Variants in LAMP3 observed in about 807,000 individuals in gnomAD.
The protein encoded by LAMP3 is lysosome-associated membrane glycoprotein 3.
Under a neutral mutation model 34.8 loss-of-function variants are expected in LAMP3, and 26 were observed. The observed-to-expected ratio is 0.75, with a 90% CI of 0.55 to 1.04. LAMP3 has a LOEUF of 1.04. Ranked by LOEUF, LAMP3 falls within the 50% of genes least tolerant of loss-of-function variation. The probability of loss-of-function intolerance (pLI) is 0.00; values close to 1 mark genes in which losing one functional copy is unlikely to be tolerated. For synonymous variants in LAMP3, 180 were observed against 201.9 expected (o/e 0.89, Z 0.92); for missense variants, 495 against 524.0 (o/e 0.94, Z 0.54).
Position 183,124,108 on chromosome 3 carries a change from A to T in LAMP3, c.1224T>A (p.Cys408Ter). 1.9e-6 allele frequency: 3 copies of T among 1,614,100 alleles called. No homozygotes were observed. The highest frequency in any genetic ancestry group is 2.5e-6 in the Non-Finnish European group (3 of 1,179,982). ...AGATTCTCTGGTATCCAGATGATTG[A>T]CACCTTAGGCGGATTTTATAGACAC... Reference protein sequence around the residue: ...GMGVYKIRLRCQSSGYQRI With the variant: ...GMGVYKIRLR The change falls in exon 6 of 6, where the codon TGT becomes TGA. Residue 408 changes from cysteine (C) to a stop codon, truncating the protein, a stop_gained. Transcript: ENST00000265598. LOFTEE classifies it high-confidence loss of function.
chr3:183,157,701 C>A (rs2108614728), intron 1 of LAMP3, among the ~76,000 whole-genome samples: 1 of 152,020 alleles, frequency 6.6e-6, no homozygotes. Flanking sequence ...TAAAGAGAAT[C>A]TTCTCAACTG....
At position 183,153,677 on chromosome 3, in the gene LAMP3, C is replaced by T. The variant is rs369243367; in HGVS notation, c.759+5G>A. On this transcript the variant is annotated splice_donor_5th_base_variant and intron_variant, in intron 2 of 5. Transcript: ENST00000265598. ...TAGTGTTATAGTCCTGTGGCCCCAA[C>T]TTACCGACTCCTTGTCTTGAACAAT... 2 of 1,512,802 alleles carry T rather than the reference C, an allele frequency of 1.3e-6. No individual in the cohort carries two copies. Among genetic ancestry groups the T allele is most frequent in the East Asian group, 2.3e-5 (1 of 43,984 alleles). 93.7% of individuals were successfully genotyped at this position (1,512,802 alleles called of 1,614,324 possible).
chr3:183,125,546 T>C (rs1719760104), intron 5 of LAMP3, among the ~76,000 whole-genome samples: 1 of 152,372 alleles, frequency 6.6e-6, no homozygotes, highest in South Asian at 2.1e-4. Context: ...TTATGTGCTA[T>C]AGCAGGAAGT....
Position 183,123,921 on chromosome 3 carries a change from G to T in LAMP3, c.*160C>A. 1 of 668,172 alleles carries T rather than the reference G, an allele frequency of 1.5e-6. No individual in the cohort carries two copies. The highest frequency in any genetic ancestry group is 2.5e-6 in the Non-Finnish European group (1 of 395,522). The allele number at this position is 668,172 out of a possible 1,614,324, so 41.4% of individuals were successfully genotyped here. Reference sequence around the variant, plus strand: ...AAAAGTATTTAGAAATTGATGTGCTGCCTGAACTTAAATCACACATGACTC... The same window carrying T: ...AAAAGTATTTAGAAATTGATGTGCTTCCTGAACTTAAATCACACATGACTC... On this transcript the variant is annotated 3_prime_UTR_variant, in exon 6 of 6. Coordinates refer to ENST00000265598, the MANE Select transcript of LAMP3 (RefSeq NM_014398.4).
rs1382915584 is a variant in LAMP3, at chr3:183,162,565, G to T, written c.49+42C>A. Reference sequence around the variant, plus strand: ...GAGTGCGTTTAGATGAAAGGGGACCGACACGTCAGGGCCACCGCGGGAAGC... The same window carrying T: ...GAGTGCGTTTAGATGAAAGGGGACCTACACGTCAGGGCCACCGCGGGAAGC... On this transcript the variant is annotated intron_variant, in intron 1 of 5. Coordinates refer to ENST00000265598, the MANE Select transcript of LAMP3 (RefSeq NM_014398.4). 5 of 1,540,740 alleles carry T rather than the reference G, an allele frequency of 3.2e-6. No homozygotes were observed. In the Admixed American group the frequency reaches 5.9e-5, roughly 18 times the overall value.
chr3:183,157,489 C>T (rs759889065), intron 1 of LAMP3, among the ~76,000 whole-genome samples: 12 of 152,278 alleles, frequency 7.9e-5, no homozygotes, highest in Admixed American at 2.0e-4. Context: ...CAAACACCAA[C>T]GAAAGCCCCA....
At chr3:183,130,257 G>C (rs573940) in intron 5 of LAMP3, among the ~76,000 whole-genome samples, 83,535 of 148,404 alleles carry the variant, frequency 0.56, 27,556 homozygotes, top group Non-Finnish European at 0.74. Flanking sequence ...CTCCCGGGTT[G>C]ACGCCATTCT....
At chr3:183,149,221 A>G (rs1349674327) in intron 3 of LAMP3, among the ~76,000 whole-genome samples, 1 of 151,794 alleles carries the variant, frequency 6.6e-6, no homozygotes, top group Non-Finnish European at 1.5e-5. Context: ...GTGGGGGAAA[A>G]GGGGATGGTT....
chr3:183,162,243 T>C (rs1282003929), intron 1 of LAMP3, among the ~76,000 whole-genome samples: 20 of 151,692 alleles, frequency 1.3e-4, no homozygotes. Context: ...TGGCACAATC[T>C]GTCAGACCAC....
intron 4 of LAMP3, 138 bp from the exon 5 acceptor site, chr3:183,136,025 C>T (rs1720077325): frequency 1.4e-6 from 1 of 713,048 alleles, no homozygotes; most frequent in Non-Finnish European, 2.4e-6. Flanking sequence ...CACCTTCTCC[C>T]CATGAAAAAA....
chr3:183,161,996 C>T (rs1330622272), intron 1 of LAMP3: 1 of 985,098 alleles, frequency 1.0e-6, no homozygotes, highest in East Asian at 1.1e-4. Flanking sequence ...GTTAGCCGGG[C>T]GGTAGGGACG....
chr3:183,155,605 T>C (rs541225487), intron 1 of LAMP3, among the ~76,000 whole-genome samples: 5 of 152,354 alleles, frequency 3.3e-5, no homozygotes, highest in South Asian at 2.1e-4. Flanking sequence ...CTTGTAAGTA[T>C]ATATGGGGAT....
At chr3:183,145,653 C>T (rs1006317675) in intron 3 of LAMP3, among the ~76,000 whole-genome samples, 40 of 152,074 alleles carry the variant, frequency 2.6e-4, no homozygotes, top group Admixed American at 1.0e-3. Context: ...GTCAGGACTT[C>T]GAGATCAGCC....
At chr3:183,124,291 A>AG (rs1719733449) in intron 5 of LAMP3, 77 bp from the exon 6 acceptor site, 1 of 1,310,194 alleles carries the variant, frequency 7.6e-7, no homozygotes, top group Admixed American at 2.8e-5. Flanking sequence ...AGGGGAAAGA[A>AG]GATGAGCTTT....
At position 183,127,768 on chromosome 3, in the gene LAMP3, C is replaced by T. The variant is rs1474739902; in HGVS notation, c.1118-3554G>A. On this transcript the variant is annotated intron_variant, in intron 5 of 5. Coordinates refer to ENST00000265598, the MANE Select transcript of LAMP3 (RefSeq NM_014398.4). ...TCAACTTAAGGAAACAATCTTTGAC[C>T]TTGATCCATTGTCCAGGTTTATGAC... Among the ~76,000 whole-genome samples the T allele has an allele frequency of 1.1e-4, 16 of 152,146 alleles. No individual in the cohort carries two copies. In the East Asian group the frequency reaches 2.7e-3, roughly 26 times the overall value.
chr3:183,148,339 G>C (rs1576882469), intron 3 of LAMP3, among the ~76,000 whole-genome samples: 2 of 152,156 alleles, frequency 1.3e-5, no homozygotes, highest in Non-Finnish European at 2.9e-5. Context: ...AAGTTAAAAT[G>C]CTTCTGCACA....
At chr3:183,147,070 C>G (rs1291676922) in intron 3 of LAMP3, among the ~76,000 whole-genome samples, 1 of 151,680 alleles carries the variant, frequency 6.6e-6, no homozygotes, top group African/African-American at 2.4e-5. Flanking sequence ...GGTGAAACCC[C>G]ATCTCTACTA....
At chr3:183,136,205 G>A (rs375535151) in intron 4 of LAMP3, among the ~76,000 whole-genome samples, 1 of 152,100 alleles carries the variant, frequency 6.6e-6, no homozygotes, top group Non-Finnish European at 1.5e-5. Context: ...CAGTACTTGG[G>A]GGCTACAGAG....
chr3:183,150,790 C>T (rs1193691135), intron 3 of LAMP3, among the ~76,000 whole-genome samples: 1 of 152,086 alleles, frequency 6.6e-6, no homozygotes, highest in African/African-American at 2.4e-5. Flanking sequence ...TCTCAAACTC[C>T]TGGCCTCGAG....
Sources: gnomAD v4.1 joint callset for allele counts (sites outside exome capture counted in the v4.1 genomes callset) on GRCh38, gnomAD v4.1.1 for gene constraint, MANE v1.5 for transcripts, NCBI Gene and HGNC (gene_info 2026-07-23, HGNC 2026-07-21) for gene names.